Variants in XRN2 observed in about 807,000 individuals in gnomAD.
XRN2 encodes the protein DHM1-like protein.
Under a neutral mutation model 138.5 loss-of-function variants are expected in XRN2, and 44 were observed. The ratio of observed to expected loss-of-function variants is 0.32; its 90% CI spans 0.25 to 0.41. XRN2 has a LOEUF of 0.41. Among genes scored for constraint, XRN2 ranks in the 10% least tolerant of loss-of-function variants. The probability of loss-of-function intolerance (pLI) is 1.00; values close to 1 mark genes in which losing one functional copy is unlikely to be tolerated. For missense variants in XRN2, 937 were observed against 1,169.3 expected, an observed-to-expected ratio of 0.80 and a Z score of 2.90; for synonymous variants, 354 against 369.4, an observed-to-expected ratio of 0.96 and a Z score of 0.48.
intron 20 of XRN2, 85 bp downstream of exon 20, chr20:21,349,546 T>C: frequency 8.7e-7 from 1 of 1,143,832 alleles, no homozygotes; most frequent in Non-Finnish European, 1.3e-6. Flanking sequence ...ATAAATATTT[T>C]AGCCTGGGCA....
chr20:21,344,250 A>C (rs185815649), intron 16 of XRN2, 42 bp downstream of exon 16: 104 of 1,433,026 alleles, frequency 7.3e-5, no homozygotes, highest in Admixed American at 6.2e-4. Context: ...CAAATTGCTG[A>C]AATAGATGCA....
At chr20:21,312,602 ATTTTTTT>A (rs375836250) in intron 1 of XRN2, among the ~76,000 whole-genome samples, 3 of 137,318 alleles carry the variant, frequency 2.2e-5, no homozygotes, top group African/African-American at 5.6e-5. Flanking sequence ...AAACCCCAAG[ATTTTTTT>A]TTTTTTTTTT....
chr20:21,340,772 G>A lies in XRN2; in HGVS notation c.1330G>A (p.Gly444Ser). The A allele has an allele frequency of 3.1e-6, 5 of 1,613,892 alleles. No individual in the cohort carries two copies. Among genetic ancestry groups the A allele is most frequent in the Non-Finnish European group, 4.2e-6 (5 of 1,179,900 alleles). ...PSGILTPHALGSRNSPGSQVA... is the reference protein window; with the variant it reads ...PSGILTPHALSSRNSPGSQVA... ...TGGAATATTAACTCCTCATGCCTTG[G>A]GTTCAAGAAATTCACCAGGTTCTCA... The change falls in exon 15 of 30, where the codon GGT becomes AGT. Residue 444 changes from glycine to serine, a missense_variant. Gly to Ser is a moderately conservative substitution (Grantham distance 56). This residue lies in a region of XRN2 where 471 missense variants were observed against 581.2 expected (regional missense o/e 0.81). Transcript: ENST00000377191.
At position 21,357,742 on chromosome 20, in the gene XRN2, A is replaced by G. The variant is rs759916442; in HGVS notation, c.2205A>G (p.Val735=). 5 of 1,595,192 alleles carry G rather than the reference A, an allele frequency of 3.1e-6. No individual in the cohort carries two copies. Among genetic ancestry groups the G allele is most frequent in the South Asian group, 2.3e-5 (2 of 85,908 alleles). ...DEEAILPDQI[V]CSPVPMLRDL... ...TTCTCTTGTTTCCTTCTAGAATAGT[A>G]TGTTCTCCTGTTCCTATGTTAAGGG... The change falls in exon 24 of 30, where the codon GTA becomes GTG. Residue 735 remains valine (V), a synonymous_variant. Coordinates refer to ENST00000377191, the MANE Select transcript of XRN2 (RefSeq NM_012255.5).
intron 28 of XRN2, among the ~76,000 whole-genome samples, chr20:21,382,632 C>G (rs1332013576): frequency 1.3e-5 from 2 of 152,248 alleles, no homozygotes; most frequent in East Asian, 3.9e-4. Flanking sequence ...GCAGAAGGGA[C>G]TCAGAAGAGG....
intron 24 of XRN2, among the ~76,000 whole-genome samples, chr20:21,360,457 GT>G (rs144908830): frequency 0.054 from 7,406 of 137,844 alleles, 235 homozygotes; most frequent in Non-Finnish European, 0.082. Context: ...TTGTTAGGTT[GT>G]TTTTTTTTTT....
chr20:21,308,366 C>A (rs565343403), intron 1 of XRN2, among the ~76,000 whole-genome samples: 81 of 152,188 alleles, frequency 5.3e-4, no homozygotes, highest in African/African-American at 1.9e-3. Flanking sequence ...GGGGGAAAAA[C>A]ATTAGGAGTG....
At chr20:21,375,167 G>A (rs932387475) in intron 27 of XRN2, among the ~76,000 whole-genome samples, 1 of 149,776 alleles carries the variant, frequency 6.7e-6, no homozygotes, top group Non-Finnish European at 1.5e-5. Context: ...TTCTTGATTA[G>A]TGTTGCTAGA....
intron 23 of XRN2, 33 bp from the exon 24 acceptor site, chr20:21,357,703 C>G (rs2038592411): frequency 1.3e-6 from 2 of 1,542,866 alleles, no homozygotes; most frequent in East Asian, 4.7e-5. Flanking sequence ...TTACAGTTTA[C>G]AGAGAGATGT....
chr20:21,321,846 A>G (rs1166320744), intron 1 of XRN2, among the ~76,000 whole-genome samples: 3 of 152,234 alleles, frequency 2.0e-5, no homozygotes, highest in African/African-American at 7.2e-5. Context: ...TCATGTTAGA[A>G]TAAAATCTTC....
chr20:21,330,456 AC>A, intron 4 of XRN2, 24 bp from the exon 5 acceptor site: 1 of 1,611,330 alleles, frequency 6.2e-7, no homozygotes, highest in Non-Finnish European at 8.5e-7. Flanking sequence ...TATGGGGAGA[AC>A]AAAACGTTGC....
chr20:21,369,100 C>T (rs945594230), intron 27 of XRN2, among the ~76,000 whole-genome samples: 1 of 152,092 alleles, frequency 6.6e-6, no homozygotes, highest in African/African-American at 2.4e-5. Context: ...CGTCCTTCTA[C>T]TCTCTGTCTC....
At position 21,386,921 on chromosome 20, in the gene XRN2, A is replaced by G. The variant is rs2038942164; in HGVS notation, c.2702A>G (p.Asn901Ser). ...TGGAACCGGATGCTGCAAACCCAGA[A>G]TGCAGCCTTCCAGCCAAACCAGTAC... is the stretch of plus-strand genomic sequence containing the variant. ...LPWNRMLQTQ[N>S]AAFQPNQYQM... Residue 901 changes from asparagine to serine, a missense_variant, in exon 29 of 30, where the codon AAT becomes AGT. This residue lies in a region of XRN2 where 372 missense variants were observed against 414.4 expected (regional missense o/e 0.90). Coordinates refer to ENST00000377191, the MANE Select transcript of XRN2 (RefSeq NM_012255.5). 2.5e-6 allele frequency: 4 copies of G among 1,614,036 alleles called. No individual in the cohort carries two copies. The highest frequency in any genetic ancestry group is 3.4e-6 in the Non-Finnish European group (4 of 1,179,896).
intron 24 of XRN2, among the ~76,000 whole-genome samples, chr20:21,362,705 C>G (rs2122297801): frequency 6.6e-6 from 1 of 152,286 alleles, no homozygotes; most frequent in Admixed American, 6.5e-5. Flanking sequence ...TCTTCCTGCC[C>G]CACTTCTGCT....
intron 15 of XRN2, among the ~76,000 whole-genome samples, chr20:21,343,016 A>G (rs115553041): frequency 4.3e-4 from 66 of 152,246 alleles, no homozygotes; most frequent in African/African-American, 1.5e-3. Flanking sequence ...TCTAAGTTCT[A>G]TGTGAAATAT....
intron 26 of XRN2, 54 bp from the exon 27 acceptor site, chr20:21,368,409 A>G: frequency 6.2e-7 from 1 of 1,600,650 alleles, no homozygotes; most frequent in Non-Finnish European, 8.5e-7. Context: ...CAGCTGTGTT[A>G]TGATGGGTAT....
intron 27 of XRN2, among the ~76,000 whole-genome samples, chr20:21,369,092 T>A (rs1465341965): frequency 6.6e-6 from 1 of 152,110 alleles, no homozygotes; most frequent in Non-Finnish European, 1.5e-5. Context: ...CTGGTAACCG[T>A]CCTTCTACTC....
At position 21,339,034 on chromosome 20, in the gene XRN2, A is replaced by T; in HGVS notation, c.1234-10A>T. On this transcript the variant is annotated splice_polypyrimidine_tract_variant and intron_variant, in intron 13 of 29. Coordinates refer to ENST00000377191, the MANE Select transcript of XRN2 (RefSeq NM_012255.5). ...TTATTTGACAGAATATGTGGATTTT[A>T]TACTTTTAGGACAGTTTTAGAAGAC... 3.1e-6 allele frequency: 5 copies of T among 1,598,674 alleles called. No individual in the cohort carries two copies. The highest frequency in any genetic ancestry group is 4.3e-6 in the Non-Finnish European group (5 of 1,170,256).
At chr20:21,306,098 C>G (rs1276699324) in intron 1 of XRN2, among the ~76,000 whole-genome samples, 1 of 72,862 alleles carries the variant, frequency 1.4e-5, no homozygotes, top group African/African-American at 3.8e-5. Flanking sequence ...CCCTTATACA[C>G]GTGAATGATC....
Sources: allele counts gnomAD v4.1 joint callset (sites outside exome capture counted in the v4.1 genomes callset), GRCh38; gene constraint gnomAD v4.1.1; regional missense constraint gnomAD v4.1.1; transcripts MANE v1.5; gene names NCBI Gene and HGNC (gene_info 2026-07-23, HGNC 2026-07-21).